Variants in PNKD observed in about 807,000 individuals in gnomAD.
The protein encoded by PNKD is probable thioesterase PNKD.
In PNKD, 36 loss-of-function variants were observed where a neutral mutation model predicts 45.3. The ratio of observed to expected loss-of-function variants is 0.80; its 90% CI spans 0.61 to 1.05. The LOEUF (loss-of-function observed/expected upper bound fraction) is 1.05, where lower values mean the gene tolerates loss of function less well. Ranked by LOEUF, PNKD falls within the 50% of genes least tolerant of loss-of-function variation. The pLI is 0.00. For synonymous variants in PNKD, 197 were observed against 210.1 expected (o/e 0.94, Z 0.54); for missense variants, 511 against 506.6 (o/e 1.01, Z -0.08).
intron 9 of PNKD, 106 bp from the exon 10 acceptor site, chr2:218,344,702 T>A (rs965056112): frequency 7.0e-7 from 1 of 1,425,846 alleles, no homozygotes; most frequent in African/African-American, 1.4e-5. Context: ...GGCCCTCAAG[T>A]CAGAACTCCT....
Position 218,272,270 on chromosome 2 carries a change from C to T in PNKD, c.236+721C>T, listed in dbSNP as rs143615889. Among the ~76,000 whole-genome samples the T allele has an allele frequency of 7.7e-3, 1,171 of 152,232 alleles. 15 individuals carry two copies. The highest frequency in any genetic ancestry group is 0.025 in the African/African-American group (1,042 of 41,520). On this transcript the variant is annotated intron_variant, in intron 2 of 9. Coordinates refer to ENST00000273077, the MANE Select transcript of PNKD (RefSeq NM_015488.5). ...GGTGCTGTTGCAGGAATGCAGGGCT[C>T]GTGCTGAGGATCAGGCTCTAGGCGG...
chr2:218,323,186 C>G, intron 2 of PNKD: 1 of 1,382,230 alleles, frequency 7.2e-7, no homozygotes, highest in Non-Finnish European at 9.3e-7. Flanking sequence ...AGCCGGCAGG[C>G]AGGTTCCCCG....
rs544137720 is a variant in PNKD at position 218,340,060 on chromosome 2, G to C, written c.384G>C (p.Ser128=). Residue 128 remains serine, a synonymous_variant, in exon 4 of 10, where the codon TCG becomes TCC. Coordinates refer to ENST00000273077, the MANE Select transcript of PNKD (RefSeq NM_015488.5). The surrounding 1 kb of genome is among the most constrained non-coding windows in gnomAD (Gnocchi z 4.2). ...GVKVLPIPVL[S]DNYSYLIIDT... is the part of the protein sequence containing the mutation. ...AGGTGCTTCCCATCCCTGTCCTCTC[G>C]GACAACTACAGCTACCTCATCATCG... 5 of 1,613,576 alleles carry C rather than the reference G, an allele frequency of 3.1e-6. No individual in the cohort carries two copies. Among genetic ancestry groups the C allele is most frequent in the East Asian group, 4.5e-5 (2 of 44,862 alleles).
rs369768432 is a variant in PNKD at position 218,276,928 on chromosome 2, C to T, written c.236+5379C>T. The T allele has an allele frequency of 5.5e-6, 7 of 1,265,462 alleles. No individual in the cohort carries two copies. The Admixed American group carries it at 1.1e-4, about 20-fold the overall frequency. The allele number at this position is 1,265,462 out of a possible 1,614,324, so 78.4% of individuals were successfully genotyped here. ...GAGCCTGCCCCGGGGACCTTTGGGG[C>T]CTGCGAGACCATGCTATATAGGAAG... On this transcript the variant is annotated intron_variant, in intron 2 of 9. Coordinates refer to ENST00000273077, the MANE Select transcript of PNKD (RefSeq NM_015488.5).
chr2:218,282,360 T>G (rs976045099), intron 2 of PNKD, among the ~76,000 whole-genome samples: 6 of 152,208 alleles, frequency 3.9e-5, no homozygotes, highest in African/African-American at 1.4e-4. Context: ...ACTGGGCTCC[T>G]GTCCCTCCTG....
At chr2:218,271,292 C>A in intron 1 of PNKD, 89 bp from the exon 2 acceptor site, 1 of 1,074,902 alleles carries the variant, frequency 9.3e-7, no homozygotes, top group Non-Finnish European at 1.4e-6. Context: ...CAGATCTCAG[C>A]CGCTCCTCCC....
At chr2:218,319,827 A>C (rs555704554) in intron 2 of PNKD, among the ~76,000 whole-genome samples, 2 of 152,386 alleles carry the variant, frequency 1.3e-5, no homozygotes, top group East Asian at 3.9e-4. Flanking sequence ...GTTGAAAGCC[A>C]CTGGCATATG....
chr2:218,297,527 TACAA>T (rs762374801), intron 2 of PNKD, among the ~76,000 whole-genome samples: 1 of 151,516 alleles, frequency 6.6e-6, no homozygotes, highest in Non-Finnish European at 1.5e-5. Flanking sequence ...CTACTAAAAA[TACAA>T]ACAATTAGCC....
chr2:218,282,263 C>A, intron 2 of PNKD: 1 of 805,164 alleles, frequency 1.2e-6, no homozygotes, highest in Non-Finnish European at 1.8e-6. Context: ...CAGCCTTGTC[C>A]AGGCTGCCTC....
intron 2 of PNKD, among the ~76,000 whole-genome samples, chr2:218,331,234 G>A (rs1440185391): frequency 3.9e-5 from 6 of 152,062 alleles, no homozygotes; most frequent in Non-Finnish European, 1.5e-5. Flanking sequence ...GGCCAACATA[G>A]TGAAACCCGT....
At chr2:218,272,932 G>A (rs1409938141) in intron 2 of PNKD, 23 of 1,486,482 alleles carry the variant, frequency 1.5e-5, no homozygotes, top group Admixed American at 4.3e-5. Flanking sequence ...GTTATTGAGT[G>A]TTTAGTAGAA....
intron 2 of PNKD, among the ~76,000 whole-genome samples, chr2:218,276,421 G>T (rs115600187): frequency 2.0e-5 from 3 of 152,144 alleles, no homozygotes; most frequent in Non-Finnish European, 2.9e-5. Context: ...GCCCAGCCTG[G>T]GAGGGGTAGA....
intron 2 of PNKD, among the ~76,000 whole-genome samples, chr2:218,324,992 A>ATTTTTT (rs1559525909): frequency 9.0e-6 from 1 of 111,350 alleles, no homozygotes; most frequent in African/African-American, 3.8e-5. Flanking sequence ...TATCTAAATA[A>ATTTTTT]TTTTCTTTTT....
intron 2 of PNKD, among the ~76,000 whole-genome samples, chr2:218,322,270 G>A (rs1423758356): frequency 6.6e-6 from 1 of 152,200 alleles, no homozygotes; most frequent in African/African-American, 2.4e-5. Context: ...CTGGGCCAGA[G>A]CTAGGGCTGG....
intron 2 of PNKD, among the ~76,000 whole-genome samples, chr2:218,312,186 T>C (rs1232630307): frequency 6.6e-6 from 1 of 152,240 alleles, no homozygotes; most frequent in Non-Finnish European, 1.5e-5. Context: ...CTTCCTTTTC[T>C]ACATAGACAC....
intron 2 of PNKD, among the ~76,000 whole-genome samples, chr2:218,317,040 T>C (rs987379223): frequency 1.3e-5 from 2 of 152,062 alleles, no homozygotes; most frequent in Non-Finnish European, 2.9e-5. Flanking sequence ...CCTGAGGAGC[T>C]GGAACTGGAG....
At chr2:218,300,608 C>G (rs900544515) in intron 2 of PNKD, among the ~76,000 whole-genome samples, 2 of 149,016 alleles carry the variant, frequency 1.3e-5, no homozygotes, top group Non-Finnish European at 3.0e-5. Flanking sequence ...TGCAGTGGTG[C>G]GATCTCAGCT....
chr2:218,342,778 G>A (rs942803884), intron 7 of PNKD, among the ~76,000 whole-genome samples: 5 of 152,004 alleles, frequency 3.3e-5, no homozygotes, highest in Non-Finnish European at 7.4e-5. Flanking sequence ...CCAGAACTCT[G>A]GGAGGCCAAA....
At position 218,271,099 on chromosome 2, in the gene PNKD, G is replaced by A. The variant is rs1008678857; in HGVS notation, c.68-282G>A. The A allele has an allele frequency of 5.5e-6, 3 of 544,898 alleles. No homozygotes were observed. The East Asian group carries it at 9.7e-5, about 18-fold the overall frequency. 33.8% of individuals were successfully genotyped at this position (544,898 alleles called of 1,614,324 possible). A position where few individuals can be genotyped will look rare whatever the true frequency, so the allele number is the denominator to read the frequency against. On this transcript the variant is annotated intron_variant, in intron 1 of 9. Transcript: ENST00000273077. ...TCATACGTCTTATGTGAGTCCCACT[G>A]CAGTCCTTCCCATGCTGTCGTCTGA...
Sources: allele counts gnomAD v4.1 joint callset (sites outside exome capture counted in the v4.1 genomes callset), GRCh38; gene constraint gnomAD v4.1.1; non-coding constraint Gnocchi (gnomAD v3.1); transcripts MANE v1.5; gene names NCBI Gene and HGNC (gene_info 2026-07-23, HGNC 2026-07-21).